Variants in PSMB7 observed in about 807,000 individuals in gnomAD.
The protein encoded by PSMB7 is proteasome subunit beta type-7.
PSMB7 carries 5 observed loss-of-function variants against 28.1 expected under a neutral mutation model. The ratio of observed to expected loss-of-function variants is 0.18; its 90% CI spans 0.09 to 0.37. The LOEUF is 0.37. Ranked by LOEUF, PSMB7 falls within the 10% of genes least tolerant of loss-of-function variation. The probability of loss-of-function intolerance (pLI) is 1.00; values close to 1 mark genes in which losing one functional copy is unlikely to be tolerated. For synonymous variants in PSMB7, 122 were observed against 123.7 expected (o/e 0.99, Z 0.09); for missense variants, 275 against 346.2 (o/e 0.79, Z 1.63).
At chr9:124,392,225 G>C (rs990145045) in intron 5 of PSMB7, among the ~76,000 whole-genome samples, 7 of 152,226 alleles carry the variant, frequency 4.6e-5, no homozygotes, top group African/African-American at 1.7e-4. Flanking sequence ...GGGTTCTCAA[G>C]CTCATGCACC....
chr9:124,354,975 C>T (rs540619363), intron 7 of PSMB7, among the ~76,000 whole-genome samples: 27 of 152,342 alleles, frequency 1.8e-4, no homozygotes, highest in Admixed American at 4.6e-4. Flanking sequence ...TGGAGGGCTG[C>T]GGGCAGACAG....
chr9:124,384,400 A>C (rs1014222343), intron 6 of PSMB7, among the ~76,000 whole-genome samples, 198 bp downstream of exon 6: 11 of 152,214 alleles, frequency 7.2e-5, no homozygotes, highest in African/African-American at 2.7e-4. Flanking sequence ...CTGGTGCCTC[A>C]AGCCCAAGGA....
intron 6 of PSMB7, among the ~76,000 whole-genome samples, chr9:124,372,121 T>C (rs1019365027): frequency 3.3e-5 from 5 of 152,180 alleles, no homozygotes; most frequent in Non-Finnish European, 7.3e-5. Flanking sequence ...TCAACTACAA[T>C]AGAATACCTA....
intron 6 of PSMB7, among the ~76,000 whole-genome samples, chr9:124,363,329 G>C (rs1012966082): frequency 6.6e-6 from 1 of 152,228 alleles, no homozygotes; most frequent in African/African-American, 2.4e-5. Flanking sequence ...CTCTGCCACT[G>C]ATGTGGCCTG....
chr9:124,382,512 C>A (rs1830678326), intron 6 of PSMB7, among the ~76,000 whole-genome samples: 1 of 152,034 alleles, frequency 6.6e-6, no homozygotes, highest in South Asian at 2.1e-4. Context: ...CCAGTCGAGA[C>A]TCTGTCTCTA....
At chr9:124,391,173 C>G (rs981243593) in intron 5 of PSMB7, among the ~76,000 whole-genome samples, 2 of 152,202 alleles carry the variant, frequency 1.3e-5, no homozygotes, top group African/African-American at 4.8e-5. Context: ...GTTTTGTTTG[C>G]TCTTCAGGCA....
intron 6 of PSMB7, among the ~76,000 whole-genome samples, chr9:124,366,874 G>A (rs1287894242): frequency 2.0e-5 from 3 of 152,252 alleles, no homozygotes; most frequent in East Asian, 1.9e-4. Context: ...GGAGCAACAG[G>A]TTGCACCATA....
chr9:124,355,729 T>G (rs184025467), intron 7 of PSMB7, among the ~76,000 whole-genome samples: 73 of 152,278 alleles, frequency 4.8e-4, no homozygotes, highest in African/African-American at 1.7e-3. Context: ...ACAGACTGAT[T>G]TGCTGGAAGC....
intron 5 of PSMB7, chr9:124,398,417 G>A: frequency 6.3e-6 from 2 of 317,248 alleles, no homozygotes; most frequent in South Asian, 2.7e-5. Flanking sequence ...CAAAGCCCAG[G>A]CGAGTACAAA....
intron 4 of PSMB7, among the ~76,000 whole-genome samples, chr9:124,409,793 A>C (rs909830295): frequency 6.6e-6 from 1 of 152,226 alleles, no homozygotes; most frequent in African/African-American, 2.4e-5. Flanking sequence ...TCAGTGCTGT[A>C]GGTGGGAGAT....
intron 6 of PSMB7, among the ~76,000 whole-genome samples, chr9:124,369,417 A>G (rs527270186): frequency 6.6e-6 from 1 of 152,214 alleles, no homozygotes; most frequent in South Asian, 2.1e-4. Flanking sequence ...TCCCAATTAC[A>G]CTGCAACATA....
At chr9:124,394,331 C>A (rs1282681022) in intron 5 of PSMB7, among the ~76,000 whole-genome samples, 1 of 152,206 alleles carries the variant, frequency 6.6e-6, no homozygotes, top group African/African-American at 2.4e-5. Context: ...TAAAAGGCAT[C>A]AAGCACTAGG....
chr9:124,359,813 T>C (rs2131142178), intron 6 of PSMB7, among the ~76,000 whole-genome samples: 1 of 152,324 alleles, frequency 6.6e-6, no homozygotes, highest in Non-Finnish European at 1.5e-5. Flanking sequence ...TACCCAAGAC[T>C]ACCACTTCAA....
chr9:124,396,987 G>A (rs530888659), intron 5 of PSMB7: 8 of 356,180 alleles, frequency 2.2e-5, no homozygotes, highest in East Asian at 7.4e-5. Flanking sequence ...CAAATGAATC[G>A]ATCACCAGTA....
intron 5 of PSMB7, among the ~76,000 whole-genome samples, chr9:124,401,447 T>C (rs942391372): frequency 4.6e-5 from 7 of 152,236 alleles, no homozygotes; most frequent in Non-Finnish European, 8.8e-5. Flanking sequence ...CCACTAATCT[T>C]CCCAGCTCCT....
At chr9:124,358,713 A>G (rs1325287579) in intron 6 of PSMB7, among the ~76,000 whole-genome samples, 1 of 152,194 alleles carries the variant, frequency 6.6e-6, no homozygotes, top group African/African-American at 2.4e-5. Context: ...TGCGGGGAGA[A>G]CCATACTTAT....
chr9:124,405,255 C>A (rs1830951909), intron 5 of PSMB7, 62 bp downstream of exon 5: 1 of 1,183,478 alleles, frequency 8.4e-7, no homozygotes, highest in African/African-American at 1.5e-5. Context: ...CAGACCAGCT[C>A]TTCAAGAGAC....
chr9:124,403,286 A>C (rs916459624), intron 5 of PSMB7, among the ~76,000 whole-genome samples: 2 of 152,248 alleles, frequency 1.3e-5, no homozygotes, highest in African/African-American at 4.8e-5. Context: ...GCACTTTGGG[A>C]GGCTGGAGCA....
chr9:124,380,589 A>C (rs903710270), intron 6 of PSMB7, among the ~76,000 whole-genome samples: 1 of 152,178 alleles, frequency 6.6e-6, no homozygotes, highest in African/African-American at 2.4e-5. Flanking sequence ...CAAACCCAGG[A>C]TTTCAGATAT....
Sources: gnomAD v4.1 joint callset for allele counts (sites outside exome capture counted in the v4.1 genomes callset) on GRCh38, gnomAD v4.1.1 for gene constraint, MANE v1.5 for transcripts, NCBI Gene and HGNC (gene_info 2026-07-23, HGNC 2026-07-21) for gene names.